EYA2: variants seen among roughly 807,000 people sequenced by gnomAD.
EYA2 encodes EYA transcriptional coactivator and phosphatase 2.
EYA2 carries 31 observed loss-of-function variants against 69.2 expected under a neutral mutation model. That is an observed-to-expected ratio of 0.45 (90% CI 0.34 to 0.60). The LOEUF (loss-of-function observed/expected upper bound fraction) is 0.60, where lower values mean the gene tolerates loss of function less well. EYA2 is among the 20% of genes least tolerant of loss of function. The pLI, the probability that EYA2 is intolerant of heterozygous loss-of-function variation, is 0.02. For missense variants in EYA2, 622 were observed against 701.2 expected, an observed-to-expected ratio of 0.89 and a Z score of 1.28; for synonymous variants, 257 against 279.4, an observed-to-expected ratio of 0.92 and a Z score of 0.80.
At chr20:46,910,986 A>C (rs965862484) in intron 1 of EYA2, among the ~76,000 whole-genome samples, 6 of 152,086 alleles carry the variant, frequency 3.9e-5, no homozygotes, top group Non-Finnish European at 8.8e-5. Flanking sequence ...ACCTTTCCCT[A>C]TAGTCTCTCC....
At chr20:47,029,623 A>G (rs745878390) in intron 5 of EYA2, among the ~76,000 whole-genome samples, 24 of 152,196 alleles carry the variant, frequency 1.6e-4, no homozygotes, top group Non-Finnish European at 3.1e-4. Flanking sequence ...CATTCTGTCT[A>G]CAAGGTTACT....
chr20:47,012,674 T>C (rs1482413816), intron 4 of EYA2, among the ~76,000 whole-genome samples: 1 of 152,096 alleles, frequency 6.6e-6, no homozygotes, highest in Non-Finnish European at 1.5e-5. Context: ...TTGTATTTTT[T>C]GTAGAGACAG....
rs905342508 is a variant in EYA2, at chr20:46,934,816, T to C, written c.-11+39829T>C. On this transcript the variant is annotated intron_variant, in intron 1 of 15. Coordinates refer to ENST00000327619, the MANE Select transcript of EYA2 (RefSeq NM_005244.5). Reference sequence around the variant, plus strand: ...AGGGAGAGAAGTGGATCACAAGGAATTGGACCAGGAGATGGGTAGGTGGTT... The same window carrying C: ...AGGGAGAGAAGTGGATCACAAGGAACTGGACCAGGAGATGGGTAGGTGGTT... 1.1e-4 allele frequency among the ~76,000 whole-genome samples: 17 copies of C among 152,220 alleles called. 1 individual carries two copies. Among genetic ancestry groups the C allele is most frequent in the African/African-American group, 3.9e-4 (16 of 41,540 alleles).
In EYA2 at chr20:46,924,669, CA is replaced by C. The variant is rs10568771; in HGVS notation, c.-11+29706del. Among the ~76,000 whole-genome samples, 643 of 88,250 alleles carry C rather than the reference CA, an allele frequency of 7.3e-3. 1 individual carries two copies. Among genetic ancestry groups the C allele is most frequent in the African/African-American group, 0.027 (456 of 17,178 alleles). The allele number at this position is 88,250 out of a possible 152,430, so 57.9% of individuals were successfully genotyped here. A position where few individuals can be genotyped will look rare whatever the true frequency, so the allele number is the denominator to read the frequency against. On this transcript the variant is annotated intron_variant, in intron 1 of 15. Coordinates refer to ENST00000327619, the MANE Select transcript of EYA2 (RefSeq NM_005244.5). ...TGGCCAATAGAGCGAGACTCCATCT[CA>C]AAAAAAAAAAAAAAAAAAAAAAAGC...
intron 1 of EYA2, among the ~76,000 whole-genome samples, chr20:46,899,652 A>G (rs561148709): frequency 8.5e-4 from 129 of 152,288 alleles, no homozygotes; most frequent in African/African-American, 3.0e-3. Context: ...AGCAAAGAAT[A>G]ATTTGGAACA....
chr20:46,987,763 C>G (rs896873003), intron 1 of EYA2, among the ~76,000 whole-genome samples: 2 of 151,538 alleles, frequency 1.3e-5, no homozygotes, highest in African/African-American at 4.8e-5. Flanking sequence ...CCCGTCTCTA[C>G]TAAAAATATA....
chr20:47,137,943 A>C (rs921836017), intron 9 of EYA2, among the ~76,000 whole-genome samples: 5 of 149,702 alleles, frequency 3.3e-5, no homozygotes, highest in Non-Finnish European at 7.4e-5. Flanking sequence ...GAACAATGAG[A>C]ACACATGGAC....
intron 9 of EYA2, among the ~76,000 whole-genome samples, chr20:47,119,516 T>TA (rs2146555420): frequency 1.3e-5 from 2 of 152,356 alleles, no homozygotes; most frequent in Admixed American, 1.3e-4. Flanking sequence ...GGGGTACTGA[T>TA]ACATGCTACA....
At chr20:47,139,668 G>A (rs1372037482) in intron 9 of EYA2, among the ~76,000 whole-genome samples, 1 of 152,114 alleles carries the variant, frequency 6.6e-6, no homozygotes, top group Non-Finnish European at 1.5e-5. Context: ...GACCTCAAAT[G>A]ATCTACCCGC....
chr20:47,164,431 CG>C (rs2034139111), intron 10 of EYA2, among the ~76,000 whole-genome samples: 2 of 152,188 alleles, frequency 1.3e-5, no homozygotes, highest in Non-Finnish European at 2.9e-5. Context: ...GGCCTGAGCC[CG>C]GGTGACCCCA....
intron 5 of EYA2, among the ~76,000 whole-genome samples, chr20:47,022,143 G>A (rs1292114669): frequency 6.6e-6 from 1 of 152,196 alleles, no homozygotes; most frequent in African/African-American, 2.4e-5. Flanking sequence ...GAATTCAGGA[G>A]GCAATTTTCC....
intron 10 of EYA2, among the ~76,000 whole-genome samples, chr20:47,164,545 G>T (rs147172534): frequency 6.6e-6 from 1 of 152,100 alleles, no homozygotes; most frequent in South Asian, 2.1e-4. Context: ...TTTCCTCTGC[G>T]CCTGGGTCTG....
chr20:47,176,179 A>G (rs977027211), intron 12 of EYA2, among the ~76,000 whole-genome samples: 1 of 150,084 alleles, frequency 6.7e-6, no homozygotes, highest in Non-Finnish European at 1.5e-5. Flanking sequence ...TCCCAGGTTC[A>G]AGTGACTCTC....
intron 1 of EYA2, among the ~76,000 whole-genome samples, chr20:46,920,480 C>A (rs1985132159): frequency 6.6e-6 from 1 of 152,156 alleles, no homozygotes; most frequent in Admixed American, 6.5e-5. Context: ...CTGGACAAAT[C>A]AAAATGGCAG....
At chr20:47,108,961 T>C (rs1322104061) in intron 9 of EYA2, among the ~76,000 whole-genome samples, 1 of 152,090 alleles carries the variant, frequency 6.6e-6, no homozygotes, top group Non-Finnish European at 1.5e-5. Flanking sequence ...TGCACCAGTT[T>C]ATCTGAAAGA....
chr20:46,954,076 T>G (rs1415555673), intron 1 of EYA2, among the ~76,000 whole-genome samples: 2 of 152,246 alleles, frequency 1.3e-5, no homozygotes, highest in Non-Finnish European at 2.9e-5. Flanking sequence ...TCCCAGGGCC[T>G]TTGCATGTGC....
chr20:47,101,734 T>C (rs2032428284), intron 9 of EYA2, among the ~76,000 whole-genome samples: 2 of 152,048 alleles, frequency 1.3e-5, no homozygotes, highest in South Asian at 4.2e-4. Context: ...CAGAGAGAGG[T>C]CTGCACTATA....
At chr20:46,903,181 T>A (rs913025574) in intron 1 of EYA2, among the ~76,000 whole-genome samples, 1 of 152,192 alleles carries the variant, frequency 6.6e-6, no homozygotes, top group East Asian at 1.9e-4. Context: ...GGTAGGAGGA[T>A]CCCAATGTGT....
At chr20:47,121,101 T>C (rs1239184652) in intron 9 of EYA2, among the ~76,000 whole-genome samples, 1 of 151,602 alleles carries the variant, frequency 6.6e-6, no homozygotes, top group Non-Finnish European at 1.5e-5. Flanking sequence ...TTGTTGTTGT[T>C]GGGTTTTCTT....
Sources: gnomAD v4.1 joint callset for allele counts (sites outside exome capture counted in the v4.1 genomes callset) on GRCh38, gnomAD v4.1.1 for gene constraint, MANE v1.5 for transcripts, NCBI Gene and HGNC (gene_info 2026-07-23, HGNC 2026-07-21) for gene names.